ZNF566: variants seen among roughly 807,000 people sequenced by gnomAD.
ZNF566 encodes zinc finger protein 566.
ZNF566 carries 27 observed loss-of-function variants against 32.8 expected under a neutral mutation model. The ratio of observed to expected loss-of-function variants is 0.82; its 90% CI spans 0.61 to 1.14. The LOEUF (loss-of-function observed/expected upper bound fraction) is 1.14, where lower values mean the gene tolerates loss of function less well. Among genes scored for constraint, ZNF566 ranks in the 50% most tolerant of loss-of-function variants. ZNF566 has a pLI of 0.00. For synonymous variants in ZNF566, 154 were observed against 159.5 expected (o/e 0.97, Z 0.26); for missense variants, 402 against 490.4 (o/e 0.82, Z 1.70).
intron 4 of ZNF566, 95 bp downstream of exon 4, chr19:36,472,816 G>T: frequency 1.0e-6 from 1 of 990,776 alleles, no homozygotes; most frequent in Non-Finnish European, 1.5e-6. Context: ...TGCACAACAG[G>T]CCAAAAGCCT....
chr19:36,449,421 A>T lies in ZNF566; in HGVS notation c.813T>A (p.Thr271=). Residue 271 remains threonine, a synonymous_variant, in exon 5 of 5, where the codon ACT becomes ACA. Coordinates refer to ENST00000452939, the MANE Select transcript of ZNF566 (RefSeq NM_001145344.1). ...GKAFSSGSNF[T]RHQRIHTGEK... ...CACCTGTGTGAATTCTCTGATGTCG[A>T]GTGAAGTTTGAACCACTACTAAAGG... The T allele has an allele frequency of 6.2e-6, 10 of 1,614,120 alleles. No individual in the cohort carries two copies. The highest frequency in any genetic ancestry group is 8.5e-6 in the Non-Finnish European group (10 of 1,180,012).
At chr19:36,455,058 G>A (rs1029210200) in intron 4 of ZNF566, among the ~76,000 whole-genome samples, 2 of 152,150 alleles carry the variant, frequency 1.3e-5, no homozygotes, top group Non-Finnish European at 2.9e-5. Flanking sequence ...CTAGGATGCA[G>A]GGATGTTTCA....
At position 36,445,466 on chromosome 19, in the gene ZNF566, T is replaced by C. The variant is rs2032970436; in HGVS notation, c.*3511A>G. On this transcript the variant is annotated 3_prime_UTR_variant, in exon 5 of 5. Coordinates refer to ENST00000452939, the MANE Select transcript of ZNF566 (RefSeq NM_001145344.1). ...TATATGAAAAACTGCACTCCACTCC[T>C]TTATTCTCTTGCCCTCTGAAATCTT... 6.6e-6 allele frequency: 1 copy of C among 152,188 alleles called. No homozygotes were observed. Among genetic ancestry groups the C allele is most frequent in the African/African-American group, 2.4e-5 (1 of 41,456 alleles). 9.4% of individuals were successfully genotyped at this position (152,188 alleles called of 1,614,324 possible).
intron 1 of ZNF566, among the ~76,000 whole-genome samples, chr19:36,483,776 GATTCAGAGAC>G (rs1013763966): frequency 3.9e-5 from 6 of 152,080 alleles, no homozygotes; most frequent in African/African-American, 1.2e-4. Flanking sequence ...AATCACGGCA[GATTCAGAGAC>G]ACTCCAGGGA....
In ZNF566 at chr19:36,471,233, T is replaced by A. The variant is rs1026087625; in HGVS notation, c.232+1678A>T. Reference sequence around the variant, plus strand: ...TGTCTCAAAAAAAAAAAAAAAAAAATAATGAGTTGCATCAAGCCATTTCTA... The same window carrying A: ...TGTCTCAAAAAAAAAAAAAAAAAAAAAATGAGTTGCATCAAGCCATTTCTA... On this transcript the variant is annotated intron_variant, in intron 4 of 4. Transcript: ENST00000452939. Among the ~76,000 whole-genome samples, 1,037 of 134,208 alleles carry A rather than the reference T, an allele frequency of 7.7e-3. 10 individuals are homozygous for A. The highest frequency in any genetic ancestry group is 0.027 in the Middle Eastern group (7 of 264). 88.0% of individuals were successfully genotyped at this position (134,208 alleles called of 152,430 possible).
intron 2 of ZNF566, chr19:36,475,991 C>CT (rs2033874510): frequency 6.6e-6 from 1 of 152,102 alleles, no homozygotes; most frequent in Non-Finnish European, 1.5e-5. Flanking sequence ...ACTTGGCTGA[C>CT]TAACAGTTAA....
intron 1 of ZNF566, among the ~76,000 whole-genome samples, chr19:36,480,490 G>A (rs1334250208): frequency 6.6e-6 from 1 of 150,790 alleles, no homozygotes; most frequent in Admixed American, 6.6e-5. Context: ...TCACCATGTT[G>A]GCCAGGCTGG....
At chr19:36,487,697 C>T (rs934500896) in intron 1 of ZNF566, among the ~76,000 whole-genome samples, 1 of 151,990 alleles carries the variant, frequency 6.6e-6, no homozygotes, top group Non-Finnish European at 1.5e-5. Context: ...CACCTGAGGT[C>T]AGGACTAGCT....
At chr19:36,488,102 T>A (rs911537145) in intron 1 of ZNF566, among the ~76,000 whole-genome samples, 8 of 152,030 alleles carry the variant, frequency 5.3e-5, no homozygotes, top group Non-Finnish European at 1.2e-4. Flanking sequence ...ATGTATCTAT[T>A]GACAGCCTCC....
chr19:36,466,145 A>C (rs770222089), intron 4 of ZNF566, among the ~76,000 whole-genome samples: 4 of 152,218 alleles, frequency 2.6e-5, no homozygotes, highest in Non-Finnish European at 5.9e-5. Flanking sequence ...AATTTATCAC[A>C]GTAAAAATTT....
At chr19:36,460,296 T>TA in intron 4 of ZNF566, among the ~76,000 whole-genome samples, 1 of 152,304 alleles carries the variant, frequency 6.6e-6, no homozygotes, top group South Asian at 2.1e-4. Context: ...GCAGCTATTT[T>TA]AAAAATGCTT....
intron 1 of ZNF566, among the ~76,000 whole-genome samples, chr19:36,477,684 T>G (rs1421576295): frequency 6.6e-6 from 1 of 151,286 alleles, no homozygotes; most frequent in Non-Finnish European, 1.5e-5. Flanking sequence ...GACTACAGGC[T>G]CCCGCCACCA....
At chr19:36,451,610 C>A (rs1209243652) in intron 4 of ZNF566, among the ~76,000 whole-genome samples, 1 of 152,004 alleles carries the variant, frequency 6.6e-6, no homozygotes, top group Non-Finnish European at 1.5e-5. Flanking sequence ...TTTTCTTGGG[C>A]AAATTAGTTC....
intron 1 of ZNF566, among the ~76,000 whole-genome samples, chr19:36,486,343 T>C (rs1227475973): frequency 6.6e-6 from 1 of 152,136 alleles, no homozygotes. Flanking sequence ...CTGCAGAGTA[T>C]CTGCAAATTC....
At chr19:36,458,441 T>C (rs2033374356) in intron 4 of ZNF566, among the ~76,000 whole-genome samples, 1 of 152,070 alleles carries the variant, frequency 6.6e-6, no homozygotes, top group African/African-American at 2.4e-5. Flanking sequence ...ATATATGAAC[T>C]CTAAAACGTT....
chr19:36,449,927 C>T lies in ZNF566; in HGVS notation c.307G>A (p.Glu103Lys). The change falls in exon 5 of 5, where the codon GAA (glutamate) becomes AAA (lysine). Residue 103 changes from glutamate to lysine, a missense_variant. Transcript: ENST00000452939. ...CGTCTTGTGAGTTTTTCCATTATTT[C>T]CCACTGGGTTGATTCTATTTCATAA... ...EIYEIESTQW[E>K]IMEKLTRRDF... 2.5e-6 allele frequency: 4 copies of T among 1,613,908 alleles called. No individual in the cohort carries two copies. The highest frequency in any genetic ancestry group is 2.5e-6 in the Non-Finnish European group (3 of 1,179,938).
intron 1 of ZNF566, among the ~76,000 whole-genome samples, chr19:36,479,716 C>T (rs932781524): frequency 6.6e-6 from 1 of 152,202 alleles, no homozygotes; most frequent in African/African-American, 2.4e-5. Flanking sequence ...CTCGCTGTAG[C>T]CTCAACCTGT....
intron 1 of ZNF566, among the ~76,000 whole-genome samples, chr19:36,480,278 A>ATTT (rs972968387): frequency 7.3e-6 from 1 of 136,898 alleles, no homozygotes; most frequent in African/African-American, 2.7e-5. Context: ...ACTCCATGCA[A>ATTT]TTTTTTTTTC....
At position 36,447,022 on chromosome 19, in the gene ZNF566, T is replaced by C. The variant is rs1326787881; in HGVS notation, c.*1955A>G. ...CCCAAACAAAGCTACACTGTGGACT[T>C]TTTTTTTTTTTTTTTAATAGTCTCA... On this transcript the variant is annotated 3_prime_UTR_variant, in exon 5 of 5. Transcript: ENST00000452939. 1.0e-5 allele frequency: 1 copy of C among 96,836 alleles called. No individual in the cohort carries two copies. The highest frequency in any genetic ancestry group is 3.4e-5 in the African/African-American group (1 of 29,252). 6.0% of individuals were successfully genotyped at this position (96,836 alleles called of 1,614,324 possible).
Sources: gnomAD v4.1 joint callset for allele counts (sites outside exome capture counted in the v4.1 genomes callset) on GRCh38, gnomAD v4.1.1 for gene constraint, MANE v1.5 for transcripts, NCBI Gene and HGNC (gene_info 2026-07-23, HGNC 2026-07-21) for gene names.